Variants in HMCN1 observed in about 807,000 individuals in gnomAD.
HMCN1 encodes the protein hemicentin-1.
HMCN1 carries 321 observed loss-of-function variants against 625.9 expected under a neutral mutation model. The ratio of observed to expected loss-of-function variants is 0.51; its 90% CI spans 0.47 to 0.56. The LOEUF is 0.56. Among genes scored for constraint, HMCN1 ranks in the 20% least tolerant of loss-of-function variants. The pLI is 0.00. For missense variants in HMCN1, 6,588 were observed against 6,887.3 expected (o/e 0.96, Z 1.54); for synonymous variants, 2,425 against 2,417.6 (o/e 1.00, Z -0.09).
At chr1:186,028,838 C>A (rs1655231439) in intron 36 of HMCN1, among the ~76,000 whole-genome samples, 1 of 151,586 alleles carries the variant, frequency 6.6e-6, no homozygotes, top group Non-Finnish European at 1.5e-5. Context: ...CATTCTCCTG[C>A]CTCAGCCTCC....
intron 48 of HMCN1, among the ~76,000 whole-genome samples, chr1:186,064,739 G>A (rs1208469466): frequency 6.8e-6 from 1 of 147,906 alleles, no homozygotes; most frequent in African/African-American, 2.5e-5. Flanking sequence ...GAACCCGGGA[G>A]GTAGAGCTTG....
At position 185,819,136 on chromosome 1, in the gene HMCN1, C is replaced by G. The variant is rs182368403; in HGVS notation, c.269-26890C>G. Among the ~76,000 whole-genome samples the G allele has an allele frequency of 7.5e-4, 114 of 151,404 alleles. 1 individual carries two copies. The highest frequency in any genetic ancestry group is 4.2e-4 in the South Asian group (2 of 4,802). On this transcript the variant is annotated intron_variant, in intron 1 of 106. Transcript: ENST00000271588. ...CCTGTAATTCCAGCTACTCGGGAGG[C>G]TGAAGTAGGAGAATCACTTGAAATA...
intron 64 of HMCN1, among the ~76,000 whole-genome samples, chr1:186,092,526 G>T (rs939555010): frequency 2.0e-5 from 3 of 151,896 alleles, no homozygotes; most frequent in African/African-American, 7.2e-5. Context: ...ATTTTGATTT[G>T]TAATTAATGG....
Position 185,909,360 on chromosome 1 carries a change from AGTACAG to A in HMCN1, c.647_652del (p.Val216_Gln217del), listed in dbSNP as rs777567294. The A allele has an allele frequency of 5.6e-6, 9 of 1,612,470 alleles. No individual in the cohort carries two copies. The highest frequency in any genetic ancestry group is 7.6e-6 in the Non-Finnish European group (9 of 1,178,748). On this transcript the variant is annotated inframe_deletion, in exon 5 of 107. Transcript: ENST00000271588. ...AGGTATTAAAATGGGTAGAAGAAGC[AGTACAG>A]GCCTCCAAAGTTCACCTTTTATCCA...
At chr1:185,985,175 T>G (rs1651923404) in intron 19 of HMCN1, among the ~76,000 whole-genome samples, 1 of 152,226 alleles carries the variant, frequency 6.6e-6, no homozygotes, top group Non-Finnish European at 1.5e-5. Flanking sequence ...TCTTCCACCT[T>G]TCTCAGTTTT....
At chr1:186,011,037 T>TG (rs545548635) in intron 30 of HMCN1, among the ~76,000 whole-genome samples, 1,617 of 151,484 alleles carry the variant, frequency 0.011, 30 homozygotes, top group African/African-American at 0.036. Flanking sequence ...GCTACTGGTT[T>TG]TTTTTGTTTT....
intron 92 of HMCN1, 61 bp downstream of exon 92, chr1:186,145,634 G>C: frequency 6.2e-7 from 1 of 1,609,288 alleles, no homozygotes. Context: ...GCTCATTGTA[G>C]CAGGCCTATT....
chr1:186,156,865 C>T (rs1651060223), intron 97 of HMCN1, among the ~76,000 whole-genome samples: 1 of 152,104 alleles, frequency 6.6e-6, no homozygotes, highest in Admixed American at 6.6e-5. Flanking sequence ...ATGTACTAAA[C>T]ATTGTTCTAG....
At chr1:186,164,368 T>G (rs1431608114) in intron 97 of HMCN1, among the ~76,000 whole-genome samples, 3 of 151,720 alleles carry the variant, frequency 2.0e-5, no homozygotes, top group African/African-American at 7.3e-5. Flanking sequence ...GTCTCCTGAG[T>G]AGCTGGGACT....
intron 31 of HMCN1, among the ~76,000 whole-genome samples, chr1:186,015,702 T>C (rs755097791): frequency 6.6e-6 from 1 of 152,120 alleles, no homozygotes; most frequent in African/African-American, 2.4e-5. Context: ...GCAAAGTAGT[T>C]GTTGGGACAA....
chr1:185,763,226 A>G (rs911442702), intron 1 of HMCN1, among the ~76,000 whole-genome samples: 6 of 152,172 alleles, frequency 3.9e-5, no homozygotes, highest in African/African-American at 1.4e-4. Context: ...TAAAGCAGAC[A>G]CCGGAGAAAC....
chr1:185,917,158 A>G (rs1666751112), intron 6 of HMCN1, among the ~76,000 whole-genome samples: 1 of 152,168 alleles, frequency 6.6e-6, no homozygotes, highest in Non-Finnish European at 1.5e-5. Flanking sequence ...CACCACAGAA[A>G]TTGAAAAATG....
At position 186,130,061 on chromosome 1, in the gene HMCN1, G is replaced by T; in HGVS notation, c.13000G>T (p.Val4334Phe). The change falls in exon 84 of 107, where the codon GTT becomes TTT. Residue 4334 changes from valine (V) to phenylalanine (F), a missense_variant. This residue lies in a region of HMCN1 where 1,954 missense variants were observed against 2,013.1 expected (regional missense o/e 0.97). Transcript: ENST00000271588. ...TTATGTGTGCACCGCAGAGAACAGC[G>T]TTGGCTTTGTGAAGGCAATTGGATT... ...GTYVCTAENS[V>F]GFVKAIGFVY... 1 of 1,613,276 alleles carries T rather than the reference G, an allele frequency of 6.2e-7. No homozygotes were observed. Among genetic ancestry groups the T allele is most frequent in the Non-Finnish European group, 8.5e-7 (1 of 1,179,412 alleles).
At chr1:185,985,430 G>A (rs946765118) in intron 19 of HMCN1, among the ~76,000 whole-genome samples, 3 of 152,082 alleles carry the variant, frequency 2.0e-5, no homozygotes, top group Non-Finnish European at 4.4e-5. Context: ...TCTAGTGACT[G>A]CCTAGAATAT....
At chr1:185,803,205 C>CA in intron 1 of HMCN1, among the ~76,000 whole-genome samples, 593 of 58,670 alleles carry the variant, frequency 0.01, 5 homozygotes, top group Middle Eastern at 0.017. Context: ...AAAAAAAAAG[C>CA]AAAAAAAAAA....
chr1:186,007,173 A>G lies in HMCN1; in HGVS notation c.4521A>G (p.Gly1507=), dbSNP rs1370414799. ...GDPNVELLDR[G]QVLHLKNARR... is the part of the protein sequence containing the mutation. ...CTAATGTTGAACTTCTAGACAGAGG[A>G]CAAGTCTTACATTTAAAGAATGCAC... Residue 1507 remains glycine (G), a synonymous_variant, in exon 30 of 107, where the codon GGA becomes GGG. Coordinates refer to ENST00000271588, the MANE Select transcript of HMCN1 (RefSeq NM_031935.3). The G allele has an allele frequency of 1.9e-6, 3 of 1,613,204 alleles. No homozygotes were observed. The highest frequency in any genetic ancestry group is 2.5e-6 in the Non-Finnish European group (3 of 1,179,254).
chr1:185,944,700 T>TA (rs1276891483), intron 11 of HMCN1, among the ~76,000 whole-genome samples: 1 of 152,192 alleles, frequency 6.6e-6, no homozygotes, highest in Non-Finnish European at 1.5e-5. Context: ...GTAAATATGC[T>TA]ACCCAAACAA....
chr1:185,818,173 C>T (rs1659959913), intron 1 of HMCN1, among the ~76,000 whole-genome samples: 1 of 152,026 alleles, frequency 6.6e-6, no homozygotes, highest in Non-Finnish European at 1.5e-5. Flanking sequence ...ATTTTCTTTG[C>T]TTTCAAGAAT....
At chr1:186,161,492 G>T (rs1651475685) in intron 97 of HMCN1, among the ~76,000 whole-genome samples, 1 of 151,898 alleles carries the variant, frequency 6.6e-6, no homozygotes, top group African/African-American at 2.4e-5. Context: ...TTGCTCGTTA[G>T]TTGATGCAGT....
Sources: gnomAD v4.1 joint callset for allele counts (sites outside exome capture counted in the v4.1 genomes callset) on GRCh38, gnomAD v4.1.1 for gene constraint, gnomAD v4.1.1 regional missense constraint, MANE v1.5 for transcripts, NCBI Gene and HGNC (gene_info 2026-07-23, HGNC 2026-07-21) for gene names.